The following NELL2 variants were observed in gnomAD, a reference collection of about 807,000 sequenced individuals.
The protein encoded by NELL2 is protein kinase C-binding protein NELL2.
Under a neutral mutation model 109.6 loss-of-function variants are expected in NELL2, and 41 were observed. The ratio of observed to expected loss-of-function variants is 0.37; its 90% CI spans 0.29 to 0.49. The LOEUF is 0.49. NELL2 is among the 20% of genes least tolerant of loss of function. NELL2 has a pLI of 0.98. For synonymous variants in NELL2, 355 were observed against 344.7 expected, an observed-to-expected ratio of 1.03 and a Z score of -0.33; for missense variants, 900 against 1,008.3, an observed-to-expected ratio of 0.89 and a Z score of 1.45.
At chr12:44,814,897 C>T (rs191851110) in intron 3 of NELL2, among the ~76,000 whole-genome samples, 12 of 152,240 alleles carry the variant, frequency 7.9e-5, no homozygotes, top group Admixed American at 7.9e-4. Context: ...AGATTTATAC[C>T]CATGCTTGGA....
At chr12:44,801,271 A>C (rs1292861396) in intron 3 of NELL2, among the ~76,000 whole-genome samples, 1 of 151,922 alleles carries the variant, frequency 6.6e-6, no homozygotes, top group Non-Finnish European at 1.5e-5. Flanking sequence ...TCAGTAGGTC[A>C]TGTGATGCTG....
chr12:44,900,378 A>T (rs1354959097), intron 1 of NELL2, among the ~76,000 whole-genome samples: 1 of 152,174 alleles, frequency 6.6e-6, no homozygotes, highest in Non-Finnish European at 1.5e-5. Flanking sequence ...CACTCCTCAG[A>T]AAATGCAAAA....
chr12:44,638,086 C>T (rs192305912), intron 13 of NELL2, among the ~76,000 whole-genome samples: 1 of 152,202 alleles, frequency 6.6e-6, no homozygotes, highest in Admixed American at 6.6e-5. Flanking sequence ...AATTTTCTTC[C>T]TCAATGAATT....
chr12:44,523,126 G>A, intron 17 of NELL2, 165 bp downstream of exon 17: 1 of 727,474 alleles, frequency 1.4e-6, no homozygotes, highest in East Asian at 2.7e-5. Context: ...AACTAGGAAA[G>A]AACATAGGCA....
upstream of NELL2, among the ~76,000 whole-genome samples, chr12:44,917,523 GGGT>G (rs1945837591): frequency 2.6e-5 from 4 of 152,166 alleles, no homozygotes; most frequent in South Asian, 8.3e-4. Flanking sequence ...GCAGACCCTA[GGGT>G]GGGCCCATGA....
At chr12:44,742,165 T>C (rs1283798395) in intron 9 of NELL2, among the ~76,000 whole-genome samples, 3 of 152,098 alleles carry the variant, frequency 2.0e-5, no homozygotes, top group Non-Finnish European at 4.4e-5. Context: ...TATCCGCTGT[T>C]CTGCAGCCAC....
chr12:44,916,982 A>G (rs1343026524), upstream of NELL2, among the ~76,000 whole-genome samples: 1 of 152,208 alleles, frequency 6.6e-6, no homozygotes, highest in Non-Finnish European at 1.5e-5. Flanking sequence ...ATTCTACTCA[A>G]ATTAAACATT....
Position 44,523,489 on chromosome 12 carries a change from A to G in NELL2, c.1805-5T>C, listed in dbSNP as rs572731322. 54 of 1,612,304 alleles carry G rather than the reference A, an allele frequency of 3.3e-5. 1 individual carries two copies. The South Asian group carries it at 4.8e-4, about 14-fold the overall frequency. ...CGGTCCCACACTCATCAATATCTATAGACAAGAAAAAGCAGCACTCAATGT... is the reference window on the plus strand; with the variant it reads ...CGGTCCCACACTCATCAATATCTATGGACAAGAAAAAGCAGCACTCAATGT... On this transcript the variant is annotated splice_polypyrimidine_tract_variant and splice_region_variant and intron_variant, in intron 16 of 19. Transcript: ENST00000429094.
chr12:44,893,616 G>A (rs971247297), intron 1 of NELL2, among the ~76,000 whole-genome samples: 1 of 152,100 alleles, frequency 6.6e-6, no homozygotes, highest in East Asian at 1.9e-4. Flanking sequence ...AGTAACTGCC[G>A]AGCAGGCACC....
intron 15 of NELL2, among the ~76,000 whole-genome samples, chr12:44,573,787 T>C (rs1327167001): frequency 6.6e-6 from 1 of 152,190 alleles, no homozygotes; most frequent in Non-Finnish European, 1.5e-5. Context: ...CCTTAATAAA[T>C]GCAAGAGGAA....
At chr12:44,774,702 C>T (rs1023892598) in intron 9 of NELL2, 45 bp downstream of exon 9, 22 of 1,479,590 alleles carry the variant, frequency 1.5e-5, no homozygotes, top group Non-Finnish European at 2.0e-5. Context: ...TAATACAGTG[C>T]TTTATTTTTC....
intron 12 of NELL2, among the ~76,000 whole-genome samples, chr12:44,685,883 A>T (rs1025042164): frequency 2.6e-5 from 4 of 151,780 alleles, no homozygotes; most frequent in Non-Finnish European, 2.9e-5. Flanking sequence ...TGAATCCGAC[A>T]ATTATGTGTC....
chr12:44,781,651 C>G (rs990400774), intron 3 of NELL2, among the ~76,000 whole-genome samples: 3 of 151,954 alleles, frequency 2.0e-5, no homozygotes, highest in Non-Finnish European at 2.9e-5. Flanking sequence ...TGAAAGTAGA[C>G]AGAGAAAATC....
chr12:44,523,778 A>G, intron 16 of NELL2: 1 of 370,058 alleles, frequency 2.7e-6, no homozygotes, highest in South Asian at 3.3e-5. Context: ...TTTTGAGAGT[A>G]AGAATATGAC....
chr12:44,797,701 GTAT>G (rs1942671778), intron 3 of NELL2, among the ~76,000 whole-genome samples: 1 of 151,308 alleles, frequency 6.6e-6, no homozygotes, highest in South Asian at 2.1e-4. Flanking sequence ...GTATCATTAA[GTAT>G]CGCTCCTTGA....
chr12:44,790,813 T>A (rs887264263), intron 3 of NELL2, among the ~76,000 whole-genome samples: 1 of 151,372 alleles, frequency 6.6e-6, no homozygotes, highest in Non-Finnish European at 1.5e-5. Context: ...AGTAAAGGCA[T>A]GGAAAAAGGC....
At chr12:44,593,108 C>T (rs1944819263) in intron 15 of NELL2, among the ~76,000 whole-genome samples, 3 of 152,008 alleles carry the variant, frequency 2.0e-5, no homozygotes, top group Admixed American at 2.0e-4. Context: ...CTATATAACC[C>T]AAGGAAAGCA....
intron 1 of NELL2, among the ~76,000 whole-genome samples, chr12:44,901,873 A>T (rs573749817): frequency 6.6e-6 from 1 of 152,340 alleles, no homozygotes; most frequent in Admixed American, 6.5e-5. Flanking sequence ...AAAAACACTC[A>T]ATAAACTAGG....
chr12:44,571,093 A>C (rs1041349685), intron 15 of NELL2, among the ~76,000 whole-genome samples: 1 of 152,210 alleles, frequency 6.6e-6, no homozygotes, highest in African/African-American at 2.4e-5. Flanking sequence ...GTAGAATCTT[A>C]TAAAGAAGTT....
Sources: allele counts gnomAD v4.1 joint callset (sites outside exome capture counted in the v4.1 genomes callset), GRCh38; gene constraint gnomAD v4.1.1; transcripts MANE v1.5; gene names NCBI Gene and HGNC (gene_info 2026-07-23, HGNC 2026-07-21).